CFAP46: variants seen among roughly 807,000 people sequenced by gnomAD.
CFAP46 encodes cilia- and flagella-associated protein 46.
In CFAP46, 245 loss-of-function variants were observed where a neutral mutation model predicts 325.7. The ratio of observed to expected loss-of-function variants is 0.75; its 90% CI spans 0.68 to 0.84. The LOEUF (loss-of-function observed/expected upper bound fraction) is 0.84, where lower values mean the gene tolerates loss of function less well. Among genes scored for constraint, CFAP46 ranks in the 40% least tolerant of loss-of-function variants. The pLI, the probability that CFAP46 is intolerant of heterozygous loss-of-function variation, is 0.00. For missense variants in CFAP46, 3,346 were observed against 3,543.0 expected (o/e 0.94, Z 1.41); for synonymous variants, 1,523 against 1,495.9 (o/e 1.02, Z -0.42).
At chr10:132,915,653 C>T (rs868038795) in intron 17 of CFAP46, among the ~76,000 whole-genome samples, 1 of 152,248 alleles carries the variant, frequency 6.6e-6, no homozygotes, top group Non-Finnish European at 1.5e-5. Flanking sequence ...CCGTGCCCAG[C>T]TTCTGATGCA....
At chr10:132,842,350 C>A (rs1163297857) in intron 44 of CFAP46, among the ~76,000 whole-genome samples, 1 of 152,230 alleles carries the variant, frequency 6.6e-6, no homozygotes, top group Non-Finnish European at 1.5e-5. Flanking sequence ...ACAGTTCCAT[C>A]TGAAATCTCA....
chr10:132,883,698 C>T lies in CFAP46; in HGVS notation c.3627+1405G>A, dbSNP rs150508352. On this transcript the variant is annotated intron_variant, in intron 27 of 57. Coordinates refer to ENST00000368586, the MANE Select transcript of CFAP46 (RefSeq NM_001200049.3). Reference sequence around the variant, plus strand: ...CACAGCATTCCTCACAGCAGGCAGACAATGGGAAGCAACACAAATAGCCAT... The same window carrying T: ...CACAGCATTCCTCACAGCAGGCAGATAATGGGAAGCAACACAAATAGCCAT... Among the ~76,000 whole-genome samples, 1,500 of 152,346 alleles carry T rather than the reference C, an allele frequency of 9.8e-3. 15 individuals are homozygous for T. Among genetic ancestry groups the T allele is most frequent in the South Asian group, 0.043 (209 of 4,828 alleles).
intron 38 of CFAP46, among the ~76,000 whole-genome samples, chr10:132,858,321 A>G (rs1477672795): frequency 1.0e-4 from 8 of 79,604 alleles, no homozygotes; most frequent in African/African-American, 3.7e-4. Context: ...GGGGCCATGG[A>G]GGCTTTGCTG....
rs113728305 is a variant in CFAP46 at position 132,939,756 on chromosome 10, G to A, written c.372-1003C>T. ...AGCGGCCTGCTGCGTCTCCCTGAGTGCTGCGTCTCCCTGAGTGCTGCGTCT... is the reference window on the plus strand; with the variant it reads ...AGCGGCCTGCTGCGTCTCCCTGAGTACTGCGTCTCCCTGAGTGCTGCGTCT... On this transcript the variant is annotated intron_variant, in intron 4 of 57. Coordinates refer to ENST00000368586, the MANE Select transcript of CFAP46 (RefSeq NM_001200049.3). This position sits in a 1 kb window ranked among gnomAD's most constrained non-coding sequence, Gnocchi z 4.6. 2.2e-3 allele frequency among the ~76,000 whole-genome samples: 331 copies of A among 152,304 alleles called. 1 individual carries two copies. Among genetic ancestry groups the A allele is most frequent in the South Asian group, 0.02 (95 of 4,826 alleles).
In CFAP46 at chr10:132,817,660, C is replaced by T. The variant is rs935771119; in HGVS notation, c.7118-2746G>A. Among the ~76,000 whole-genome samples the T allele has an allele frequency of 6.6e-6, 1 of 152,224 alleles. No homozygotes were observed. Among genetic ancestry groups the T allele is most frequent in the African/African-American group, 2.4e-5 (1 of 41,468 alleles). On this transcript the variant is annotated intron_variant, in intron 50 of 57. Transcript: ENST00000368586. The surrounding 1 kb of genome is among the most constrained non-coding windows in gnomAD (Gnocchi z 4.4). Reference sequence around the variant, plus strand: ...ACGGCAGTGCGGCCACACCTGGCGGCGCCCCAGACTCAGCGGTTGGCGGCT... The same window carrying T: ...ACGGCAGTGCGGCCACACCTGGCGGTGCCCCAGACTCAGCGGTTGGCGGCT...
rs1279424628 is a variant in CFAP46, at chr10:132,860,909, T to C, written c.4964A>G (p.Tyr1655Cys). 1 of 1,550,774 alleles carries C rather than the reference T, an allele frequency of 6.4e-7. No homozygotes were observed. The highest frequency in any genetic ancestry group is 8.7e-7 in the Non-Finnish European group (1 of 1,147,034). ...LAQLANKEKN[Y>C]GQAKKMIAQA... ...TGCGATCATTTTCTTGGCTTGTCCATAGTTTTTCTCCTTGTTGGCCAACTG... is the reference window on the plus strand; with the variant it reads ...TGCGATCATTTTCTTGGCTTGTCCACAGTTTTTCTCCTTGTTGGCCAACTG... Residue 1655 changes from tyrosine to cysteine, a missense_variant, in exon 36 of 58, where the codon TAT becomes TGT. Physicochemically the swap from Tyr to Cys is radical, Grantham distance 194. Transcript: ENST00000368586.
chr10:132,935,841 A>C (rs1289683109), intron 7 of CFAP46, among the ~76,000 whole-genome samples: 1 of 95,492 alleles, frequency 1.0e-5, no homozygotes, highest in Non-Finnish European at 2.1e-5. Context: ...GCACCCAAAC[A>C]CACTGTGATC....
At chr10:132,826,692 C>T (rs1462340336) in intron 50 of CFAP46, among the ~76,000 whole-genome samples, 5 of 144,016 alleles carry the variant, frequency 3.5e-5, no homozygotes, top group East Asian at 2.1e-4. Flanking sequence ...AGACCAGCCA[C>T]GGAGCCAGGC....
chr10:132,912,947 G>T, intron 18 of CFAP46, 99 bp downstream of exon 18: 2 of 1,475,316 alleles, frequency 1.4e-6, no homozygotes, highest in Non-Finnish European at 1.8e-6. Flanking sequence ...CCTCTGCTGG[G>T]ACACAGAGGG....
chr10:132,919,537 A>G lies in CFAP46; in HGVS notation c.1731-95T>C. On this transcript the variant is annotated intron_variant, in intron 14 of 57. Transcript: ENST00000368586. This position sits in a 1 kb window ranked among gnomAD's most constrained non-coding sequence, Gnocchi z 9.7. ...TGGGCTGGCTGCCTGAGAAAAGGCC[A>G]CTGTGGCTCTGCAGTTTCAAGGTGG... 6.9e-7 allele frequency: 1 copy of G among 1,443,054 alleles called. No individual in the cohort carries two copies. The highest frequency in any genetic ancestry group is 2.5e-5 in the East Asian group (1 of 39,706). 89.4% of individuals were successfully genotyped at this position (1,443,054 alleles called of 1,614,324 possible). A position where few individuals can be genotyped will look rare whatever the true frequency, so the allele number is the denominator to read the frequency against.
Position 132,872,696 on chromosome 10 carries a change from C to T in CFAP46, c.4491G>A (p.Leu1497=), listed in dbSNP as rs1217056798. The T allele has an allele frequency of 7.7e-6, 12 of 1,550,560 alleles. No homozygotes were observed. The highest frequency in any genetic ancestry group is 9.6e-6 in the Non-Finnish European group (11 of 1,147,038). ...CCCACCGAAGGTGGTAGAGATCCGACAGGCCCTTGCTTCCCACCACGGAGT... is the reference window on the plus strand; with the variant it reads ...CCCACCGAAGGTGGTAGAGATCCGATAGGCCCTTGCTTCCCACCACGGAGT... ...ISDSVVGSKG[L]SDLYHLRLAH... The change falls in exon 32 of 58, where the codon CTG becomes CTA. Residue 1497 remains leucine, a synonymous_variant. Transcript: ENST00000368586.
chr10:132,819,778 G>A (rs1363080981), intron 50 of CFAP46, among the ~76,000 whole-genome samples: 2 of 152,168 alleles, frequency 1.3e-5, no homozygotes, highest in African/African-American at 4.8e-5. Context: ...GACCTGAAAC[G>A]ATAAAACTAC....
intron 31 of CFAP46, among the ~76,000 whole-genome samples, chr10:132,874,242 C>T (rs527723779): frequency 1.2e-4 from 18 of 152,288 alleles, no homozygotes; most frequent in South Asian, 4.2e-4. Flanking sequence ...AAACAAGTGC[C>T]GCCAACCAAA....
At chr10:132,921,000 C>T (rs1328209873) in intron 13 of CFAP46, among the ~76,000 whole-genome samples, 5 of 152,248 alleles carry the variant, frequency 3.3e-5, no homozygotes, top group Admixed American at 1.3e-4. Context: ...AGCACAGGTG[C>T]GGCAGCATCT....
intron 20 of CFAP46, 131 bp downstream of exon 20, chr10:132,909,788 A>T: frequency 1.2e-6 from 1 of 837,998 alleles, no homozygotes; most frequent in Non-Finnish European, 1.7e-6. Context: ...GGGAAAAGGG[A>T]GTGCCCAGGC....
intron 50 of CFAP46, among the ~76,000 whole-genome samples, chr10:132,822,439 T>C (rs1259223018): frequency 1.4e-5 from 2 of 145,818 alleles, no homozygotes; most frequent in African/African-American, 5.1e-5. Flanking sequence ...GTGTGCTGTG[T>C]GTGCAGTGAT....
In CFAP46 at chr10:132,876,448, C is replaced by T. The variant is rs1848958421; in HGVS notation, c.4362+364G>A. 6.6e-6 allele frequency among the ~76,000 whole-genome samples: 1 copy of T among 152,196 alleles called. No individual in the cohort carries two copies. Among genetic ancestry groups the T allele is most frequent in the South Asian group, 2.1e-4 (1 of 4,828 alleles). On this transcript the variant is annotated intron_variant, in intron 31 of 57. Coordinates refer to ENST00000368586, the MANE Select transcript of CFAP46 (RefSeq NM_001200049.3). This position sits in a 1 kb window ranked among gnomAD's most constrained non-coding sequence, Gnocchi z 4.1. ...CCGGCCCCTTTGGAGGGTGTGCCAC[C>T]CTCCCGACACCTGGATTTGAGCCCA...
intron 41 of CFAP46, among the ~76,000 whole-genome samples, chr10:132,849,777 T>C (rs61862296): frequency 0.097 from 14,752 of 152,232 alleles, 736 homozygotes; most frequent in South Asian, 0.13. Flanking sequence ...CAAGGCTGCC[T>C]AGGGCTGGCC....
At chr10:132,857,086 A>C (rs1473799333) in intron 39 of CFAP46, among the ~76,000 whole-genome samples, 1 of 152,240 alleles carries the variant, frequency 6.6e-6, no homozygotes, top group Non-Finnish European at 1.5e-5. Flanking sequence ...CGGCTGGTGA[A>C]GTAGGTGCTG....
Sources: allele counts gnomAD v4.1 joint callset (sites outside exome capture counted in the v4.1 genomes callset), GRCh38; gene constraint gnomAD v4.1.1; non-coding constraint Gnocchi (gnomAD v3.1); transcripts MANE v1.5; gene names NCBI Gene and HGNC (gene_info 2026-07-23, HGNC 2026-07-21).